Variants in ATAD2 observed in about 807,000 individuals in gnomAD.
ATAD2 encodes ATPase family AAA domain containing 2.
In ATAD2, 62 loss-of-function variants were observed where a neutral mutation model predicts 168.9. The ratio of observed to expected loss-of-function variants is 0.37; its 90% confidence interval spans 0.30 to 0.45. The LOEUF is 0.45. Among genes scored for constraint, ATAD2 ranks in the 20% least tolerant of loss-of-function variants. The pLI is 1.00. For synonymous variants in ATAD2, 613 were observed against 571.6 expected, an observed-to-expected ratio of 1.07 and a Z score of -1.03; for missense variants, 1,419 against 1,667.8, an observed-to-expected ratio of 0.85 and a Z score of 2.60.
chr8:123,346,853 G>T, intron 16 of ATAD2, 103 bp from the exon 17 acceptor site: 2 of 1,287,292 alleles, frequency 1.6e-6, no homozygotes, highest in South Asian at 1.4e-5. Context: ...TTTTTTCAAA[G>T]AATCAAAAAT....
chr8:123,338,569 C>A (rs1376808999), intron 20 of ATAD2, among the ~76,000 whole-genome samples: 1 of 152,076 alleles, frequency 6.6e-6, no homozygotes, highest in Non-Finnish European at 1.5e-5. Context: ...TAGAGTCCTG[C>A]CACAATGAGC....
At chr8:123,415,652 T>A (rs1246872392) in intron 1 of ATAD2, among the ~76,000 whole-genome samples, 3 of 152,114 alleles carry the variant, frequency 2.0e-5, no homozygotes, top group Non-Finnish European at 4.4e-5. Flanking sequence ...TGGAGTGCAA[T>A]GGCACCATCT....
At chr8:123,404,899 G>A (rs1339769545) in intron 1 of ATAD2, among the ~76,000 whole-genome samples, 1 of 152,188 alleles carries the variant, frequency 6.6e-6, no homozygotes, top group Non-Finnish European at 1.5e-5. Context: ...CCTGAATCCA[G>A]AATGATCTCA....
intron 1 of ATAD2, among the ~76,000 whole-genome samples, chr8:123,389,984 ATTT>A (rs577381945): frequency 8.7e-6 from 1 of 115,136 alleles, no homozygotes; most frequent in Non-Finnish European, 1.6e-5. Context: ...ATATATATAT[ATTT>A]TTTTTTTTTT....
Position 123,401,452 on chromosome 8 carries a change from A to G in ATAD2, c.-2281-277T>C, listed in dbSNP as rs1812998304. 10 of 1,462,504 alleles carry G rather than the reference A, an allele frequency of 6.8e-6. No individual in the cohort carries two copies. The Admixed American group carries it at 1.5e-4, about 23-fold the overall frequency. The allele number at this position is 1,462,504 out of a possible 1,614,324, so 90.6% of individuals were successfully genotyped here. ...ATGGTGTATTACGTCAAACAGAAGT[A>G]CTCCCACCTCCAGGTGATTGGGGGG... is the stretch of plus-strand genomic sequence containing the variant. On this transcript the variant is annotated intron_variant, in intron 1 of 28. Coordinates refer to the ATAD2 transcript ENST00000521903.
intron 6 of ATAD2, 93 bp downstream of exon 6, chr8:123,370,806 CATAA>C: frequency 1.2e-6 from 1 of 829,572 alleles, no homozygotes; most frequent in Non-Finnish European, 1.8e-6. Context: ...CACAAACTAC[CATAA>C]ATGTCACACC....
At chr8:123,397,412 A>T (rs1373528005), upstream of ATAD2, among the ~76,000 whole-genome samples, 1 of 152,196 alleles carries the variant, frequency 6.6e-6, no homozygotes, top group Admixed American at 6.5e-5. Context: ...TACTATTATG[A>T]TACCTTGGAG....
rs1813015537 is a variant in ATAD2 at position 123,402,515 on chromosome 8, C to G, written c.-2281-1340G>C. Among the ~76,000 whole-genome samples, 1 of 152,180 alleles carries G rather than the reference C, an allele frequency of 6.6e-6. No individual in the cohort carries two copies. Among genetic ancestry groups the G allele is most frequent in the South Asian group, 2.1e-4 (1 of 4,832 alleles). On this transcript the variant is annotated intron_variant, in intron 1 of 28. Transcript: ENST00000521903. This position sits in a 1 kb window ranked among gnomAD's most constrained non-coding sequence, Gnocchi z 4.8. ...CCCTGCCTCTGGCCTACTGCCCCCTCAGCCATGTGGCACTTCTGAGCTCCT... is the reference window on the plus strand; with the variant it reads ...CCCTGCCTCTGGCCTACTGCCCCCTGAGCCATGTGGCACTTCTGAGCTCCT...
chr8:123,343,501 A>G (rs1828130869), intron 19 of ATAD2, among the ~76,000 whole-genome samples: 1 of 152,160 alleles, frequency 6.6e-6, no homozygotes, highest in Non-Finnish European at 1.5e-5. Flanking sequence ...CTAGAACCAC[A>G]CCTGGGAGAA....
intron 1 of ATAD2, among the ~76,000 whole-genome samples, chr8:123,405,905 G>C (rs932455098): frequency 2.0e-5 from 3 of 152,158 alleles, no homozygotes; most frequent in Non-Finnish European, 4.4e-5. Context: ...ATTTCTAGAA[G>C]TGCAATGGCT....
At chr8:123,404,695 T>A (rs1813046856) in intron 1 of ATAD2, among the ~76,000 whole-genome samples, 1 of 151,642 alleles carries the variant, frequency 6.6e-6, no homozygotes, top group Non-Finnish European at 1.5e-5. Context: ...GCCTCCAGAG[T>A]AGCTGGGATT....
At chr8:123,391,179 T>C (rs1035789022) in intron 1 of ATAD2, among the ~76,000 whole-genome samples, 8 of 150,996 alleles carry the variant, frequency 5.3e-5, no homozygotes, top group African/African-American at 1.9e-4. Flanking sequence ...AGTACAGAAA[T>C]AGACAATGGC....
intron 1 of ATAD2, among the ~76,000 whole-genome samples, chr8:123,384,970 A>G (rs977556938): frequency 1.5e-4 from 23 of 152,206 alleles, no homozygotes; most frequent in African/African-American, 5.5e-4. Flanking sequence ...GTCCCATTCA[A>G]GTGTTGTCTA....
rs578003300 is a variant in ATAD2, at chr8:123,325,207, T to C, written c.4002+686A>G. ...CACCTCTGGGTTCAAGTGATTCTCC[T>C]GTCTCAGCCTCCCCAGTAGGCTGGG... On this transcript the variant is annotated intron_variant, in intron 26 of 27. Transcript: ENST00000287394. Among the ~76,000 whole-genome samples, 3 of 151,028 alleles carry C rather than the reference T, an allele frequency of 2.0e-5. 1 individual carries two copies. The highest frequency in any genetic ancestry group is 7.3e-5 in the African/African-American group (3 of 41,232).
At chr8:123,329,217 G>T (rs1037382188) in intron 24 of ATAD2, among the ~76,000 whole-genome samples, 1 of 152,106 alleles carries the variant, frequency 6.6e-6, no homozygotes, top group African/African-American at 2.4e-5. Context: ...TGGAAGAAGG[G>T]CAAGACTTGA....
intron 1 of ATAD2, among the ~76,000 whole-genome samples, chr8:123,412,873 A>C (rs898015527): frequency 3.3e-5 from 5 of 151,412 alleles, no homozygotes; most frequent in Non-Finnish European, 7.4e-5. Flanking sequence ...TCTCCCCCAA[A>C]CCCCCCATTA....
chr8:123,325,706 C>A (rs548938348), intron 26 of ATAD2, among the ~76,000 whole-genome samples, 187 bp downstream of exon 26: 5 of 152,128 alleles, frequency 3.3e-5, no homozygotes, highest in African/African-American at 1.2e-4. Flanking sequence ...CAGGCGTGAG[C>A]CACTGTGCCT....
intron 24 of ATAD2, 78 bp from the exon 25 acceptor site, chr8:123,328,657 T>G: frequency 7.4e-7 from 1 of 1,357,596 alleles, no homozygotes; most frequent in Non-Finnish European, 9.8e-7. Flanking sequence ...AACCCTGATA[T>G]ATGAAAGGAT....
At chr8:123,371,952 T>G (rs1431041710) in intron 3 of ATAD2, 117 bp from the exon 4 acceptor site, 16 of 1,064,160 alleles carry the variant, frequency 1.5e-5, no homozygotes, top group Non-Finnish European at 2.0e-5. Flanking sequence ...TTACAGTATC[T>G]TAAACTTAGC....
Sources: allele counts gnomAD v4.1 joint callset (sites outside exome capture counted in the v4.1 genomes callset), GRCh38; gene constraint gnomAD v4.1.1; non-coding constraint Gnocchi (gnomAD v3.1); transcripts MANE v1.5; gene names NCBI Gene and HGNC (gene_info 2026-07-23, HGNC 2026-07-21).